Variants in DLG2 observed in about 807,000 individuals in gnomAD.
DLG2 encodes the protein discs large MAGUK scaffold protein 2.
A neutral mutation model predicts 132.5 loss-of-function variants in DLG2; 45 were observed. The ratio of observed to expected loss-of-function variants is 0.34; its 90% CI spans 0.27 to 0.44. DLG2 has a LOEUF of 0.44. DLG2 is among the 20% of genes least tolerant of loss of function. The pLI, the probability that DLG2 is intolerant of heterozygous loss-of-function variation, is 1.00. For missense variants in DLG2, 1,045 were observed against 1,196.9 expected (o/e 0.87, Z 1.87); for synonymous variants, 424 against 419.6 (o/e 1.01, Z -0.13).
chr11:84,081,418 G>T lies in DLG2; in HGVS notation c.749+17505C>A, dbSNP rs2096901178. 1.4e-5 allele frequency among the ~76,000 whole-genome samples: 2 copies of T among 143,758 alleles called. 1 individual carries two copies. The highest frequency in any genetic ancestry group is 3.0e-5 in the Non-Finnish European group (2 of 65,740). The allele number at this position is 143,758 out of a possible 152,430, so 94.3% of individuals were successfully genotyped here. ...AGACAAATGTTAAAAAATACTTCAG[G>T]TCTATAATTTACAAAGAAAAAAGAA... is the stretch of plus-strand genomic sequence containing the variant. On this transcript the variant is annotated intron_variant, in intron 10 of 27. Coordinates refer to ENST00000376104, the MANE Select transcript of DLG2 (RefSeq NM_001142699.3).
intron 11 of DLG2, among the ~76,000 whole-genome samples, chr11:84,001,591 T>C (rs2094348228): frequency 6.6e-6 from 1 of 152,132 alleles, no homozygotes; most frequent in Non-Finnish European, 1.5e-5. Context: ...TTAGATAAAA[T>C]GGACCTAACA....
intron 7 of DLG2, among the ~76,000 whole-genome samples, chr11:84,475,119 G>A (rs915863022): frequency 2.6e-5 from 4 of 152,104 alleles, no homozygotes; most frequent in Non-Finnish European, 4.4e-5. Context: ...GCTCCAACGA[G>A]TTGTAACCAA....
intron 25 of DLG2, among the ~76,000 whole-genome samples, chr11:83,467,389 A>G (rs1451338354): frequency 6.6e-6 from 1 of 152,120 alleles, no homozygotes; most frequent in African/African-American, 2.4e-5. Flanking sequence ...TTTTCCAAGT[A>G]CTTGTACATA....
intron 21 of DLG2, among the ~76,000 whole-genome samples, chr11:83,507,796 A>ATATATATG (rs2094807444): frequency 8.7e-6 from 1 of 114,928 alleles, no homozygotes; most frequent in South Asian, 2.7e-4. Flanking sequence ...ATATATATAT[A>ATATATATG]TATGTATATA....
intron 8 of DLG2, among the ~76,000 whole-genome samples, chr11:84,172,209 A>C (rs1178273842): frequency 6.6e-6 from 1 of 152,220 alleles, no homozygotes; most frequent in Admixed American, 6.5e-5. Flanking sequence ...TTATTTTATG[A>C]ATACTATGAA....
intron 4 of DLG2, among the ~76,000 whole-genome samples, chr11:85,162,634 A>T (rs1057061631): frequency 1.3e-5 from 2 of 152,218 alleles, no homozygotes; most frequent in African/African-American, 4.8e-5. Flanking sequence ...TATTGACTTC[A>T]TATCAGCATT....
chr11:83,796,522 C>A (rs1420528934), intron 17 of DLG2, among the ~76,000 whole-genome samples: 1 of 152,150 alleles, frequency 6.6e-6, no homozygotes, highest in Non-Finnish European at 1.5e-5. Flanking sequence ...TGCTTGCATA[C>A]CTCCTGTGTC....
At position 83,897,984 on chromosome 11, in the gene DLG2, T is replaced by C. The variant is rs1220146719; in HGVS notation, c.1497-23496A>G. Among the ~76,000 whole-genome samples the C allele has an allele frequency of 1.3e-5, 2 of 152,138 alleles. 1 individual carries two copies. Among genetic ancestry groups the C allele is most frequent in the African/African-American group, 4.8e-5 (2 of 41,444 alleles). On this transcript the variant is annotated intron_variant, in intron 15 of 27. Transcript: ENST00000376104. ...CTTTGTCTCCTCTAGTCACAAAAACTAGTAAGAGATAGGATTGCCCCTTAG... is the reference window on the plus strand; with the variant it reads ...CTTTGTCTCCTCTAGTCACAAAAACCAGTAAGAGATAGGATTGCCCCTTAG...
chr11:85,503,324 A>G (rs996428194), intron 3 of DLG2, among the ~76,000 whole-genome samples: 1 of 152,086 alleles, frequency 6.6e-6, no homozygotes, highest in African/African-American at 2.4e-5. Flanking sequence ...TAATGACAAT[A>G]TATATTTAGT....
chr11:84,760,630 T>G (rs1167406309), intron 6 of DLG2, among the ~76,000 whole-genome samples: 1 of 152,182 alleles, frequency 6.6e-6, no homozygotes, highest in Non-Finnish European at 1.5e-5. Context: ...CTTTTAACTG[T>G]GTATTTAAAT....
chr11:83,605,631 C>G (rs7128567), intron 19 of DLG2, among the ~76,000 whole-genome samples: 9,735 of 152,206 alleles, frequency 0.064, 892 homozygotes, highest in African/African-American at 0.2. Flanking sequence ...AACTGAGACT[C>G]GAAGAGTTTA....
intron 11 of DLG2, among the ~76,000 whole-genome samples, chr11:83,995,967 G>A (rs1281833859): frequency 6.6e-6 from 1 of 152,006 alleles, no homozygotes; most frequent in Non-Finnish European, 1.5e-5. Flanking sequence ...AGCAGTTAAT[G>A]GACAAATGGG....
intron 18 of DLG2, among the ~76,000 whole-genome samples, chr11:83,744,326 T>C (rs970614237): frequency 6.6e-6 from 1 of 152,218 alleles, no homozygotes; most frequent in Non-Finnish European, 1.5e-5. Context: ...TTAAACTACA[T>C]AGGATAGTTT....
chr11:84,632,169 C>T (rs2099633261), intron 6 of DLG2, among the ~76,000 whole-genome samples: 1 of 152,112 alleles, frequency 6.6e-6, no homozygotes, highest in South Asian at 2.1e-4. Flanking sequence ...TTATACCAGA[C>T]TTCAAACATA....
chr11:84,760,975 C>T (rs2067548979), intron 6 of DLG2, among the ~76,000 whole-genome samples: 1 of 152,174 alleles, frequency 6.6e-6, no homozygotes, highest in Non-Finnish European at 1.5e-5. Context: ...TGGCACTCAT[C>T]CTTTGCACCC....
chr11:84,311,766 C>T (rs983333331), intron 7 of DLG2, among the ~76,000 whole-genome samples: 1 of 152,196 alleles, frequency 6.6e-6, no homozygotes, highest in African/African-American at 2.4e-5. Context: ...CCCCACCCTC[C>T]TCTCCAGGCA....
At chr11:84,825,089 G>A (rs895326079) in intron 6 of DLG2, among the ~76,000 whole-genome samples, 4 of 151,820 alleles carry the variant, frequency 2.6e-5, no homozygotes, top group Non-Finnish European at 5.9e-5. Flanking sequence ...TTACTCTTCT[G>A]AGAGACAGTC....
chr11:85,553,760 G>A (rs966538812), intron 3 of DLG2, among the ~76,000 whole-genome samples: 1 of 151,106 alleles, frequency 6.6e-6, no homozygotes, highest in Non-Finnish European at 1.5e-5. Flanking sequence ...TAAGTTTACA[G>A]AATATAAATC....
At chr11:84,660,673 A>G (rs1458529787) in intron 6 of DLG2, among the ~76,000 whole-genome samples, 1 of 152,130 alleles carries the variant, frequency 6.6e-6, no homozygotes, top group Non-Finnish European at 1.5e-5. Flanking sequence ...TCTACATCCC[A>G]CACCAGCCTT....
Sources: allele counts gnomAD v4.1 joint callset (sites outside exome capture counted in the v4.1 genomes callset), GRCh38; gene constraint gnomAD v4.1.1; transcripts MANE v1.5; gene names NCBI Gene and HGNC (gene_info 2026-07-23, HGNC 2026-07-21).